MLH3: variants seen among roughly 807,000 people sequenced by gnomAD.
The protein encoded by MLH3 is mutL homolog 3, also known as DNA mismatch repair protein Mlh3.
A neutral mutation model predicts 122.2 loss-of-function variants in MLH3; 82 were observed. That is an observed-to-expected ratio of 0.67 (90% CI 0.56 to 0.81). The LOEUF is 0.81. MLH3 is among the 30% of genes least tolerant of loss of function. MLH3 has a pLI of 0.00. For synonymous variants in MLH3, 524 were observed against 599.5 expected, an observed-to-expected ratio of 0.87 and a Z score of 1.84; for missense variants, 1,539 against 1,714.5, an observed-to-expected ratio of 0.90 and a Z score of 1.81.
At position 75,018,786 on chromosome 14, in the gene MLH3, A is replaced by G. The variant is rs175053; in HGVS notation, c.4242+43T>C. 1 allele frequency: 1,603,763 copies of G among 1,606,994 alleles called. 800,308 individuals are homozygous for G. Among genetic ancestry groups the G allele is most frequent in the East Asian group, 1 (44,852 of 44,852 alleles). On this transcript the variant is annotated intron_variant, in intron 12 of 12. Transcript: ENST00000355774. The stretch of plus-strand genomic sequence containing the variant: ...AGTAAAAGCCAGAAAAGAAAGAGAA[A>G]ATAAACTTTGCTCCCTCCTGCTCCT...
At chr14:75,027,566 A>T (rs1333980238) in intron 9 of MLH3, among the ~76,000 whole-genome samples, 1 of 150,308 alleles carries the variant, frequency 6.7e-6, no homozygotes, top group Non-Finnish European at 1.5e-5. Flanking sequence ...TGGCCCACGG[A>T]CTCTTACTAA....
At chr14:75,041,475 G>T in intron 4 of MLH3, 140 bp downstream of exon 4, 1 of 703,826 alleles carries the variant, frequency 1.4e-6, no homozygotes, top group Non-Finnish European at 2.5e-6. Context: ...CTTGAACCTG[G>T]GAAGCGAAGG....
Position 75,022,978 on chromosome 14 carries a change from A to C in MLH3, c.4011+17T>G. On this transcript the variant is annotated intron_variant, in intron 10 of 12. Transcript: ENST00000355774. ...TGGTGCTTCTGTGTGAAACCCCAAAATAAAGGAAAAGCTTACCTCCAGTTG... is the reference window on the plus strand; with the variant it reads ...TGGTGCTTCTGTGTGAAACCCCAAACTAAAGGAAAAGCTTACCTCCAGTTG... The C allele has an allele frequency of 6.2e-7, 1 of 1,614,236 alleles. No homozygotes were observed. The highest frequency in any genetic ancestry group is 1.3e-5 in the African/African-American group (1 of 75,064).
At chr14:75,042,297 A>C in intron 3 of MLH3, 82 bp downstream of exon 3, 1 of 1,190,942 alleles carries the variant, frequency 8.4e-7, no homozygotes, top group South Asian at 1.2e-5. Context: ...GCACTGATCA[A>C]GCTTAATGCA....
In MLH3 at chr14:75,039,846, C is replaced by CATATAT. The variant is rs145063005; in HGVS notation, c.3570+59_3570+64dup. The CATATAT allele has an allele frequency of 0.022, 6,983 of 318,462 alleles. 334 individuals are homozygous for CATATAT. Among genetic ancestry groups the CATATAT allele is most frequent in the African/African-American group, 0.07 (1,940 of 27,846 alleles). 19.7% of individuals were successfully genotyped at this position (318,462 alleles called of 1,614,324 possible). On this transcript the variant is annotated intron_variant, in intron 5 of 12. Coordinates refer to ENST00000355774, the MANE Select transcript of MLH3 (RefSeq NM_001040108.2). ...AAATCAAATTTTAGAAGAGTTAGGCCATATATATATATATATATATATATA... is the reference window on the plus strand; with the variant it reads ...AAATCAAATTTTAGAAGAGTTAGGCCATATATATATATATATATATATATATATATA...
intron 6 of MLH3, among the ~76,000 whole-genome samples, chr14:75,035,033 C>T (rs1041079050): frequency 1.4e-4 from 19 of 133,112 alleles, no homozygotes; most frequent in Non-Finnish European, 2.8e-4. Flanking sequence ...ACTGCAATCC[C>T]ACCTGGGCGA....
rs1488268763 is a variant in MLH3, at chr14:75,022,990, C to A, written c.4011+5G>T. 1 of 1,614,204 alleles carries A rather than the reference C, an allele frequency of 6.2e-7. No homozygotes were observed. Among genetic ancestry groups the A allele is most frequent in the East Asian group, 2.2e-5 (1 of 44,894 alleles). On this transcript the variant is annotated splice_donor_5th_base_variant and intron_variant, in intron 10 of 12. Coordinates refer to ENST00000355774, the MANE Select transcript of MLH3 (RefSeq NM_001040108.2). ...GTGAAACCCCAAAATAAAGGAAAAGCTTACCTCCAGTTGTTCTCGGATAAA... is the reference window on the plus strand; with the variant it reads ...GTGAAACCCCAAAATAAAGGAAAAGATTACCTCCAGTTGTTCTCGGATAAA...
At position 75,048,115 on chromosome 14, in the gene MLH3, G is replaced by A. The variant is rs763747833; in HGVS notation, c.1541C>T (p.Thr514Ile). Reference sequence around the variant, plus strand: ...CCCACTCTCCTCAAAGTGACATGGTGTCTGAAAAGGGCTTAAAAACATTTC... The same window carrying A: ...CCCACTCTCCTCAAAGTGACATGGTATCTGAAAAGGGCTTAAAAACATTTC... The part of the protein sequence containing the change: ...SLEMFLSPFQ[T>I]PCHFEESGQD... The change falls in exon 2 of 13, where the codon ACA (threonine) becomes ATA (isoleucine). Residue 514 changes from threonine (T) to isoleucine (I), a missense_variant. Coordinates refer to ENST00000355774, the MANE Select transcript of MLH3 (RefSeq NM_001040108.2). 1.2e-6 allele frequency: 2 copies of A among 1,614,182 alleles called. No homozygotes were observed. The highest frequency in any genetic ancestry group is 2.2e-5 in the East Asian group (1 of 44,878).
rs573040611 is a variant in MLH3, at chr14:75,032,248, C to G, written c.3716-69G>C. The G allele has an allele frequency of 1.4e-5, 13 of 923,178 alleles. No individual in the cohort carries two copies. The South Asian group carries it at 1.7e-4, about 12-fold the overall frequency. 57.2% of individuals were successfully genotyped at this position (923,178 alleles called of 1,614,324 possible). A position where few individuals can be genotyped will look rare whatever the true frequency, so the allele number is the denominator to read the frequency against. On this transcript the variant is annotated intron_variant, in intron 7 of 12. Coordinates refer to ENST00000355774, the MANE Select transcript of MLH3 (RefSeq NM_001040108.2). ...CTTCTAGATTCAGATAAAAATAAAGCACGGCCTTGAGATAATCATTCTAAT... is the reference window on the plus strand; with the variant it reads ...CTTCTAGATTCAGATAAAAATAAAGGACGGCCTTGAGATAATCATTCTAAT...
intron 9 of MLH3, among the ~76,000 whole-genome samples, chr14:75,029,579 A>G (rs1177032855): frequency 6.6e-6 from 1 of 151,012 alleles, no homozygotes; most frequent in East Asian, 1.9e-4. Flanking sequence ...CTTGTTGCCC[A>G]GGCTGGAGTA....
chr14:75,017,896 A>G (rs1399883021), intron 12 of MLH3, among the ~76,000 whole-genome samples: 2 of 152,238 alleles, frequency 1.3e-5, no homozygotes, highest in Non-Finnish European at 2.9e-5. Context: ...CTATAATCCC[A>G]GCACTTTGGG....
chr14:75,047,018 G>C lies in MLH3; in HGVS notation c.2638C>G (p.Leu880Val), dbSNP rs201453923. The C allele has an allele frequency of 1.8e-4, 291 of 1,614,058 alleles. 2 individuals carry two copies. The highest frequency in any genetic ancestry group is 9.8e-4 in the South Asian group (89 of 91,094). Residue 880 changes from leucine (L) to valine (V), a missense_variant, in exon 2 of 13, where the codon CTG (leucine) becomes GTG (valine). By Grantham distance (32) the Leu-to-Val change is conservative. Transcript: ENST00000355774. ...TGAGTTTCTCTTTCGGAACCCTTCA[G>C]TCTGGATAATTTAGAGGCTAGTGAT... is the stretch of plus-strand genomic sequence containing the variant. The part of the protein sequence containing the change: ...SESLASKLSR[L>V]KGSERETQTM...
Position 75,041,717 on chromosome 14 carries a change from C to T in MLH3, c.3380-17G>A, listed in dbSNP as rs1891871425. The T allele has an allele frequency of 6.3e-7, 1 of 1,599,266 alleles. No homozygotes were observed. ...CCACAGTATCTAGGGCAAAAGGGAA[C>T]AGGTAAAGTTGGCATCCAGAACCAC... is the stretch of plus-strand genomic sequence containing the variant. On this transcript the variant is annotated splice_polypyrimidine_tract_variant and intron_variant, in intron 3 of 12. Coordinates refer to ENST00000355774, the MANE Select transcript of MLH3 (RefSeq NM_001040108.2).
At chr14:75,024,745 T>C (rs945477851) in intron 9 of MLH3, among the ~76,000 whole-genome samples, 2 of 152,220 alleles carry the variant, frequency 1.3e-5, no homozygotes, top group African/African-American at 2.4e-5. Flanking sequence ...CAGCCTGACA[T>C]AGGATAATCA....
At chr14:75,046,038 G>C (rs1892185928) in intron 2 of MLH3, among the ~76,000 whole-genome samples, 1 of 151,870 alleles carries the variant, frequency 6.6e-6, no homozygotes, top group South Asian at 2.1e-4. Context: ...AATTTAGCTG[G>C]GCATGGTGGC....
intron 1 of MLH3, among the ~76,000 whole-genome samples, chr14:75,050,699 CAGA>C (rs1892598389): frequency 6.6e-6 from 1 of 152,200 alleles, no homozygotes; most frequent in South Asian, 2.1e-4. Flanking sequence ...CGCGCCCGGC[CAGA>C]AGGTCATTAT....
intron 3 of MLH3, 84 bp from the exon 4 acceptor site, chr14:75,041,784 G>T: frequency 1.1e-6 from 1 of 916,498 alleles, no homozygotes; most frequent in Non-Finnish European, 1.8e-6. Flanking sequence ...GTGAGCCATA[G>T]CCTCAAGACC....
chr14:75,041,471 C>T (rs1479815304), intron 4 of MLH3, 144 bp downstream of exon 4: 1 of 695,920 alleles, frequency 1.4e-6, no homozygotes, highest in African/African-American at 1.8e-5. Flanking sequence ...ATTGCTTGAA[C>T]CTGGGAAGCG....
chr14:75,036,708 C>T (rs1413125486), intron 6 of MLH3: 1 of 455,944 alleles, frequency 2.2e-6, no homozygotes, highest in East Asian at 6.9e-5. Flanking sequence ...CTCTGCTCTG[C>T]CTGCAACACG....
Sources: allele counts gnomAD v4.1 joint callset (sites outside exome capture counted in the v4.1 genomes callset), GRCh38; gene constraint gnomAD v4.1.1; transcripts MANE v1.5; gene names NCBI Gene and HGNC (gene_info 2026-07-23, HGNC 2026-07-21).